SYT9: variants seen among roughly 807,000 people sequenced by gnomAD.
The protein encoded by SYT9 is synaptotagmin 9.
Under a neutral mutation model 48.4 loss-of-function variants are expected in SYT9, and 22 were observed. The observed-to-expected ratio is 0.45, with a 90% confidence interval of 0.32 to 0.65. SYT9 has a LOEUF of 0.65. SYT9 is among the 30% of genes least tolerant of loss of function. SYT9 has a pLI of 0.03. For synonymous variants in SYT9, 265 were observed against 245.0 expected, an observed-to-expected ratio of 1.08 and a Z score of -0.76; for missense variants, 577 against 622.0, an observed-to-expected ratio of 0.93 and a Z score of 0.77.
chr11:7,420,689 T>G, intron 6 of SYT9, 54 bp downstream of exon 6: 1 of 1,604,130 alleles, frequency 6.2e-7, no homozygotes, highest in Admixed American at 1.7e-5. Flanking sequence ...GCTTTACTGT[T>G]GAAATGCAGG....
chr11:7,251,243 T>C (rs1847861996), upstream of SYT9, among the ~76,000 whole-genome samples: 1 of 152,086 alleles, frequency 6.6e-6, no homozygotes, highest in Non-Finnish European at 1.5e-5. Flanking sequence ...TCTGTGATAC[T>C]CCTCCTTGGG....
intron 6 of SYT9, among the ~76,000 whole-genome samples, chr11:7,447,671 C>T (rs777457774): frequency 3.9e-5 from 6 of 152,086 alleles, no homozygotes; most frequent in Non-Finnish European, 8.8e-5. Context: ...ATCTCTGAAT[C>T]CTGAGGCCAT....
chr11:7,334,355 C>T (rs777171320), intron 3 of SYT9, among the ~76,000 whole-genome samples: 1 of 151,980 alleles, frequency 6.6e-6, no homozygotes, highest in Non-Finnish European at 1.5e-5. Context: ...GAGGAATGGA[C>T]AGGAGGGGAG....
chr11:7,411,246 T>C (rs1203929939), intron 3 of SYT9, among the ~76,000 whole-genome samples: 1 of 152,256 alleles, frequency 6.6e-6, no homozygotes, highest in East Asian at 1.9e-4. Context: ...CTCTCTTTTT[T>C]TCTAATTGTC....
intron 1 of SYT9, among the ~76,000 whole-genome samples, chr11:7,264,703 T>G (rs951358814): frequency 6.6e-6 from 1 of 152,012 alleles, no homozygotes; most frequent in Non-Finnish European, 1.5e-5. Context: ...CAGGACATGA[T>G]CATGAGAGGC....
chr11:7,395,475 A>T (rs1042632288), intron 3 of SYT9, among the ~76,000 whole-genome samples: 2 of 152,006 alleles, frequency 1.3e-5, no homozygotes, highest in African/African-American at 4.8e-5. Flanking sequence ...TTATTGTGTG[A>T]CTGTCTAAGT....
At chr11:7,262,713 T>A (rs1848102356) in intron 1 of SYT9, among the ~76,000 whole-genome samples, 1 of 151,876 alleles carries the variant, frequency 6.6e-6, no homozygotes, top group African/African-American at 2.4e-5. Context: ...CCATTGCAGG[T>A]AGTGATGCAG....
At chr11:7,413,498 T>G (rs1847179520) in intron 3 of SYT9, among the ~76,000 whole-genome samples, 1 of 151,834 alleles carries the variant, frequency 6.6e-6, no homozygotes, top group African/African-American at 2.4e-5. Flanking sequence ...GTCAGTAAGA[T>G]AGTATGTGGT....
intron 1 of SYT9, among the ~76,000 whole-genome samples, chr11:7,265,279 T>C (rs1444358762): frequency 6.6e-6 from 1 of 152,160 alleles, no homozygotes; most frequent in Non-Finnish European, 1.5e-5. Flanking sequence ...CATGCAGATG[T>C]CCAGGGCAGT....
intron 6 of SYT9, chr11:7,439,224 C>T (rs1847777133): frequency 6.6e-6 from 1 of 152,210 alleles, no homozygotes; most frequent in African/African-American, 2.4e-5. Flanking sequence ...ATGCACACAG[C>T]TTAGAAGAGA....
intron 3 of SYT9, among the ~76,000 whole-genome samples, chr11:7,404,363 T>C (rs1344924760): frequency 1.3e-5 from 2 of 152,148 alleles, no homozygotes; most frequent in Non-Finnish European, 2.9e-5. Flanking sequence ...AAAATTTGTC[T>C]CTTCTAATCT....
intron 3 of SYT9, among the ~76,000 whole-genome samples, chr11:7,369,794 A>AACACACACACACACAC (rs58554896): frequency 1.9e-4 from 27 of 143,984 alleles, no homozygotes; most frequent in African/African-American, 6.9e-4. Flanking sequence ...CACACACACA[A>AACACACACACACACAC]ACACACACAC....
intron 3 of SYT9, among the ~76,000 whole-genome samples, chr11:7,374,940 C>T (rs116851741): frequency 0.018 from 2,684 of 152,284 alleles, 35 homozygotes; most frequent in Middle Eastern, 0.048. Context: ...TTTGATTTGT[C>T]AAGTTTAGCT....
chr11:7,256,949 C>A (rs745781766), intron 1 of SYT9, among the ~76,000 whole-genome samples: 3 of 152,084 alleles, frequency 2.0e-5, no homozygotes, highest in Non-Finnish European at 4.4e-5. Context: ...ACTTTGGCTG[C>A]ACATTAGGAA....
intron 3 of SYT9, among the ~76,000 whole-genome samples, chr11:7,388,081 C>A (rs573922980): frequency 1.3e-5 from 2 of 152,116 alleles, no homozygotes; most frequent in Non-Finnish European, 2.9e-5. Flanking sequence ...ATTGCGTTTA[C>A]TTCTTCCCTA....
intron 3 of SYT9, among the ~76,000 whole-genome samples, chr11:7,360,151 C>T (rs1431579138): frequency 6.6e-6 from 1 of 152,106 alleles, no homozygotes; most frequent in African/African-American, 2.4e-5. Flanking sequence ...TGTCAAAGAT[C>T]AGATAGTTGT....
At chr11:7,341,650 G>T (rs754240619) in intron 3 of SYT9, among the ~76,000 whole-genome samples, 57 of 152,086 alleles carry the variant, frequency 3.7e-4, no homozygotes, top group Non-Finnish European at 6.6e-4. Flanking sequence ...GTATGAAAAT[G>T]GACTAAGACA....
rs1250785586 is a variant in SYT9 at position 7,467,906 on chromosome 11, CT to C, written c.*1107del. ...CCTACAAGAGTGAAGGTCAAGGGCC[CT>C]CCCCAGGCATCTCATTCATTACTCA... On this transcript the variant is annotated 3_prime_UTR_variant, in exon 7 of 7. Transcript: ENST00000318881. 2.1e-5 allele frequency: 4 copies of C among 192,900 alleles called. No homozygotes were observed. Among genetic ancestry groups the C allele is most frequent in the Non-Finnish European group, 4.2e-5 (4 of 95,344 alleles). 11.9% of individuals were successfully genotyped at this position (192,900 alleles called of 1,614,324 possible).
intron 3 of SYT9, among the ~76,000 whole-genome samples, chr11:7,329,303 A>G (rs1207185857): frequency 6.6e-6 from 1 of 152,126 alleles, no homozygotes; most frequent in Non-Finnish European, 1.5e-5. Flanking sequence ...GCAGTTTCCA[A>G]TTAGTACTTA....
Sources: allele counts gnomAD v4.1 joint callset (sites outside exome capture counted in the v4.1 genomes callset), GRCh38; gene constraint gnomAD v4.1.1; transcripts MANE v1.5; gene names NCBI Gene and HGNC (gene_info 2026-07-23, HGNC 2026-07-21).